NIBAN2: variants seen among roughly 807,000 people sequenced by gnomAD.
NIBAN2 encodes the protein protein Niban 2.
A neutral mutation model predicts 81.8 loss-of-function variants in NIBAN2; 36 were observed. That is an observed-to-expected ratio of 0.44 (90% CI 0.34 to 0.58). NIBAN2 has a LOEUF of 0.58. Among genes scored for constraint, NIBAN2 ranks in the 20% least tolerant of loss-of-function variants. The pLI, the probability that NIBAN2 is intolerant of heterozygous loss-of-function variation, is 0.02. For missense variants in NIBAN2, 897 were observed against 1,014.1 expected (o/e 0.88, Z 1.57); for synonymous variants, 445 against 441.6 (o/e 1.01, Z -0.10).
intron 5 of NIBAN2, among the ~76,000 whole-genome samples, chr9:127,521,441 C>T (rs1363618980): frequency 6.6e-6 from 1 of 152,178 alleles, no homozygotes; most frequent in East Asian, 1.9e-4. Context: ...GAGGACCCGG[C>T]ACAGCCAGTG....
Position 127,515,388 on chromosome 9 carries a change from G to A in NIBAN2, c.973+1469C>T, listed in dbSNP as rs148772210. Among the ~76,000 whole-genome samples the A allele has an allele frequency of 2.2e-3, 333 of 152,206 alleles. 3 individuals are homozygous for A. The East Asian group carries it at 0.042, about 19-fold the overall frequency. On this transcript the variant is annotated intron_variant, in intron 8 of 13. Transcript: ENST00000373312. ...TACAAAAAATTAGGTAGGCATGGTG[G>A]CGGGCGCCTGTAGTCCCAGCTACTC...
chr9:127,507,737 T>G lies in NIBAN2; in HGVS notation c.1654+130A>C. On this transcript the variant is annotated intron_variant, in intron 13 of 13. Coordinates refer to ENST00000373312, the MANE Select transcript of NIBAN2 (RefSeq NM_022833.4). This position sits in a 1 kb window ranked among gnomAD's most constrained non-coding sequence, Gnocchi z 6.8. ...GGAGGCCACACAGCGAAGAGTGGGC[T>G]TCACCCAGACCCCAGGTGCAAGTCT... 2.4e-6 allele frequency: 2 copies of G among 842,754 alleles called. No individual in the cohort carries two copies. The highest frequency in any genetic ancestry group is 3.9e-6 in the Non-Finnish European group (2 of 509,268). The allele number at this position is 842,754 out of a possible 1,614,324, so 52.2% of individuals were successfully genotyped here.
intron 1 of NIBAN2, among the ~76,000 whole-genome samples, chr9:127,556,709 G>A (rs1357925297): frequency 1.3e-5 from 2 of 152,168 alleles, no homozygotes; most frequent in Non-Finnish European, 2.9e-5. Context: ...GAGCTGTGAG[G>A]CCACCTGTCC....
chr9:127,517,315 C>A lies in NIBAN2; in HGVS notation c.706-99G>T. 1 of 968,506 alleles carries A rather than the reference C, an allele frequency of 1.0e-6. No individual in the cohort carries two copies. The highest frequency in any genetic ancestry group is 1.6e-6 in the Non-Finnish European group (1 of 637,172). 60.0% of individuals were successfully genotyped at this position (968,506 alleles called of 1,614,324 possible). ...CAAGCCAGGCCGCTGCAGCCCCCAC[C>A]TCCTCCGCGACTGGCCCATTGCTTC... On this transcript the variant is annotated intron_variant, in intron 6 of 13. Transcript: ENST00000373312. This position sits in a 1 kb window ranked among gnomAD's most constrained non-coding sequence, Gnocchi z 4.0.
At position 127,545,095 on chromosome 9, in the gene NIBAN2, C is replaced by A. The variant is rs764984954; in HGVS notation, c.56-13317G>T. On this transcript the variant is annotated intron_variant, in intron 1 of 13. Coordinates refer to ENST00000373312, the MANE Select transcript of NIBAN2 (RefSeq NM_022833.4). The surrounding 1 kb of genome is among the most constrained non-coding windows in gnomAD (Gnocchi z 4.7). ...GAACCCAAGCGAACCGCAACCTCAG[C>A]CCCTCAGCTTCCTCCTCAGCGGAGG... is the stretch of plus-strand genomic sequence containing the variant. 5.9e-5 allele frequency among the ~76,000 whole-genome samples: 9 copies of A among 152,314 alleles called. No individual in the cohort carries two copies. Among genetic ancestry groups the A allele is most frequent in the East Asian group, 1.9e-4 (1 of 5,184 alleles).
At position 127,506,558 on chromosome 9, in the gene NIBAN2, G is replaced by A. The variant is rs754512338; in HGVS notation, c.*287C>T. 2.4e-5 allele frequency: 8 copies of A among 330,318 alleles called. No individual in the cohort carries two copies. The highest frequency in any genetic ancestry group is 3.3e-5 in the Non-Finnish European group (6 of 181,620). The allele number at this position is 330,318 out of a possible 1,614,324, so 20.5% of individuals were successfully genotyped here. On this transcript the variant is annotated 3_prime_UTR_variant, in exon 14 of 14. Transcript: ENST00000373312. Reference sequence around the variant, plus strand: ...AGGCCACAGAAGGACAGGAAGGGAGGGGCTTTCCAGCCCCCCAGCAGTGTC... The same window carrying A: ...AGGCCACAGAAGGACAGGAAGGGAGAGGCTTTCCAGCCCCCCAGCAGTGTC...
intron 1 of NIBAN2, among the ~76,000 whole-genome samples, chr9:127,576,942 C>T (rs565172548): frequency 1.4e-4 from 21 of 151,730 alleles, no homozygotes; most frequent in Admixed American, 4.6e-4. Flanking sequence ...CCACCTGCCT[C>T]GGCCTCCCAA....
intron 5 of NIBAN2, among the ~76,000 whole-genome samples, chr9:127,523,082 G>A (rs916636457): frequency 6.8e-6 from 1 of 146,772 alleles, no homozygotes; most frequent in Non-Finnish European, 1.5e-5. Context: ...TGAGCTGGAA[G>A]AGTCACCCCA....
rs541872797 is a variant in NIBAN2, at chr9:127,568,035, C to T, written c.55+785G>A. On this transcript the variant is annotated intron_variant, in intron 1 of 13. Coordinates refer to ENST00000373312, the MANE Select transcript of NIBAN2 (RefSeq NM_022833.4). ...CTCCAGAGTCTGTGGGGAAAAGGAA[C>T]CCAGGCCCCCTCTGCAGCTCCGGCT... 7.2e-5 allele frequency among the ~76,000 whole-genome samples: 11 copies of T among 152,284 alleles called. No individual in the cohort carries two copies. In the East Asian group the frequency reaches 1.9e-3, roughly 27 times the overall value.
At chr9:127,512,562 C>T (rs977540432) in intron 8 of NIBAN2, among the ~76,000 whole-genome samples, 5 of 152,218 alleles carry the variant, frequency 3.3e-5, no homozygotes, top group African/African-American at 9.6e-5. Context: ...GCTGGGATTA[C>T]AGCTTGAGCT....
At chr9:127,518,023 C>G (rs528590794) in intron 5 of NIBAN2, 82 bp from the exon 6 acceptor site, 10 of 756,662 alleles carry the variant, frequency 1.3e-5, no homozygotes, top group Non-Finnish European at 1.7e-5. Context: ...CTGACCAAAA[C>G]CCCCCCCACA....
chr9:127,512,899 C>T (rs1005094106), intron 8 of NIBAN2, among the ~76,000 whole-genome samples: 3 of 152,194 alleles, frequency 2.0e-5, no homozygotes, highest in Admixed American at 6.5e-5. Flanking sequence ...ATCAGCCCAT[C>T]GCAGCGATAT....
At chr9:127,555,839 G>A (rs2253355) in intron 1 of NIBAN2, among the ~76,000 whole-genome samples, 73,237 of 152,066 alleles carry the variant, frequency 0.48, 18,661 homozygotes, top group East Asian at 0.81. Context: ...CTGAGTGGTA[G>A]TTGTTCTGTG....
chr9:127,550,955 G>A (rs1037316402), intron 1 of NIBAN2, among the ~76,000 whole-genome samples: 7 of 151,948 alleles, frequency 4.6e-5, no homozygotes, highest in Non-Finnish European at 7.4e-5. Context: ...CCCCTGTCCC[G>A]TGTGCTGGGC....
chr9:127,506,529 A>C lies in NIBAN2; in HGVS notation c.*316T>G. On this transcript the variant is annotated 3_prime_UTR_variant, in exon 14 of 14. Coordinates refer to ENST00000373312, the MANE Select transcript of NIBAN2 (RefSeq NM_022833.4). ...GAAGGATGGCAGCACCCATGAGGGG[A>C]TGGAGGCCACAGAAGGACAGGAAGG... The C allele has an allele frequency of 3.7e-6, 1 of 266,752 alleles. No homozygotes were observed. The highest frequency in any genetic ancestry group is 7.1e-6 in the Non-Finnish European group (1 of 141,298). 16.5% of individuals were successfully genotyped at this position (266,752 alleles called of 1,614,324 possible). A position where few individuals can be genotyped will look rare whatever the true frequency, so the allele number is the denominator to read the frequency against.
At chr9:127,533,544 G>A (rs1457594522) in intron 1 of NIBAN2, among the ~76,000 whole-genome samples, 3 of 152,160 alleles carry the variant, frequency 2.0e-5, no homozygotes, top group Non-Finnish European at 4.4e-5. Flanking sequence ...GAGGTGGGAG[G>A]GTCACTTAAG....
At chr9:127,571,061 G>C (rs1837940250), upstream of NIBAN2, among the ~76,000 whole-genome samples, 1 of 152,256 alleles carries the variant, frequency 6.6e-6, no homozygotes, top group African/African-American at 2.4e-5. Context: ...GGAGGAGCTA[G>C]CTGGAGCTAG....
chr9:127,549,306 A>T (rs1837529524), intron 1 of NIBAN2, among the ~76,000 whole-genome samples: 2 of 152,074 alleles, frequency 1.3e-5, no homozygotes, highest in Non-Finnish European at 2.9e-5. Context: ...CCCACCATTC[A>T]CACACACGTG....
chr9:127,568,858 G>T lies in NIBAN2; in HGVS notation c.17C>A (p.Ser6Tyr). 7.3e-7 allele frequency: 1 copy of T among 1,366,038 alleles called. No homozygotes were observed. The highest frequency in any genetic ancestry group is 9.5e-7 in the Non-Finnish European group (1 of 1,054,598). The allele number at this position is 1,366,038 out of a possible 1,614,324, so 84.6% of individuals were successfully genotyped here. A position where few individuals can be genotyped will look rare whatever the true frequency, so the allele number is the denominator to read the frequency against. MGDVL[S>Y]THLDDARRQH... ...GCGCCGGGCGTCGTCCAGGTGCGTGGACAGCACGTCCCCCATGGCCAGGAG... is the reference window on the plus strand; with the variant it reads ...GCGCCGGGCGTCGTCCAGGTGCGTGTACAGCACGTCCCCCATGGCCAGGAG... The change falls in exon 1 of 14, where the codon TCC becomes TAC. Residue 6 changes from serine to tyrosine, a missense_variant. By Grantham distance (144) the Ser-to-Tyr change is moderately radical. Transcript: ENST00000373312.
Sources: allele counts gnomAD v4.1 joint callset (sites outside exome capture counted in the v4.1 genomes callset), GRCh38; gene constraint gnomAD v4.1.1; non-coding constraint Gnocchi (gnomAD v3.1); transcripts MANE v1.5; gene names NCBI Gene and HGNC (gene_info 2026-07-23, HGNC 2026-07-21).